The following TSHZ2 variants were observed in gnomAD, a reference collection of about 807,000 sequenced individuals.
TSHZ2 encodes the protein teashirt zinc finger homeobox 2.
A neutral mutation model predicts 74.4 loss-of-function variants in TSHZ2; 21 were observed. That is an observed-to-expected ratio of 0.28 (90% CI 0.20 to 0.41). The LOEUF is 0.41. Among genes scored for constraint, TSHZ2 ranks in the 10% least tolerant of loss-of-function variants. TSHZ2 has a pLI of 1.00. For synonymous variants in TSHZ2, 540 were observed against 515.3 expected (o/e 1.05, Z -0.65); for missense variants, 1,244 against 1,293.5 (o/e 0.96, Z 0.59).
chr20:53,222,063 A>C (rs1989575152), intron 1 of TSHZ2, among the ~76,000 whole-genome samples: 3 of 152,298 alleles, frequency 2.0e-5, no homozygotes, highest in Middle Eastern at 3.4e-3. Flanking sequence ...CTAATGGTCA[A>C]AAGCTAGCTC....
chr20:53,215,868 C>CAA (rs78963941), intron 1 of TSHZ2, among the ~76,000 whole-genome samples: 14 of 83,842 alleles, frequency 1.7e-4, no homozygotes, highest in African/African-American at 2.4e-4. Flanking sequence ...AACTCCGTCT[C>CAA]AAAAAAAAAA....
In TSHZ2 at chr20:53,217,341, C is replaced by G. The variant is rs1351385864; in HGVS notation, c.41-36158C>G. Among the ~76,000 whole-genome samples, 4 of 152,184 alleles carry G rather than the reference C, an allele frequency of 2.6e-5. No individual in the cohort carries two copies. The East Asian group carries it at 7.7e-4, about 29-fold the overall frequency. On this transcript the variant is annotated intron_variant, in intron 1 of 2. Transcript: ENST00000371497. ...GGGCCTGGCCTCACCCGACAGCCCCCTGGCTCTAGGCAAGTGAGATATTAT... is the reference window on the plus strand; with the variant it reads ...GGGCCTGGCCTCACCCGACAGCCCCGTGGCTCTAGGCAAGTGAGATATTAT...
At chr20:53,210,295 C>G (rs777252027) in intron 1 of TSHZ2, among the ~76,000 whole-genome samples, 1 of 152,216 alleles carries the variant, frequency 6.6e-6, no homozygotes, top group Admixed American at 6.5e-5. Context: ...AATGTGACAG[C>G]TTTCTGTATC....
chr20:53,467,995 C>T (rs1985612300), intron 2 of TSHZ2, among the ~76,000 whole-genome samples: 1 of 151,776 alleles, frequency 6.6e-6, no homozygotes, highest in Non-Finnish European at 1.5e-5. Flanking sequence ...TAAAAAAAAA[C>T]ATTCTTTCTG....
At chr20:53,387,318 T>A (rs1982085454) in intron 2 of TSHZ2, among the ~76,000 whole-genome samples, 1 of 152,268 alleles carries the variant, frequency 6.6e-6, no homozygotes, top group Non-Finnish European at 1.5e-5. Context: ...CTGTGGCCTC[T>A]GTTGACCATC....
At chr20:53,400,991 A>T (rs1270450785) in intron 2 of TSHZ2, 1 of 152,210 alleles carries the variant, frequency 6.6e-6, no homozygotes, top group Non-Finnish European at 1.5e-5. Context: ...TCATGCATTC[A>T]ATCATGTAGA....
intron 2 of TSHZ2, among the ~76,000 whole-genome samples, chr20:53,407,684 A>G (rs529460514): frequency 6.6e-6 from 1 of 152,354 alleles, no homozygotes; most frequent in South Asian, 2.1e-4. Context: ...GGTTTAAGGC[A>G]GGGGTTGGCA....
chr20:53,070,985 T>C (rs1304003033), intron 1 of TSHZ2, among the ~76,000 whole-genome samples: 1 of 152,218 alleles, frequency 6.6e-6, no homozygotes, highest in East Asian at 1.9e-4. Context: ...GGGTACTATT[T>C]GTTTGAGGGA....
intron 1 of TSHZ2, among the ~76,000 whole-genome samples, chr20:53,163,605 C>T (rs1987998706): frequency 6.6e-6 from 1 of 152,076 alleles, no homozygotes; most frequent in Non-Finnish European, 1.5e-5. Flanking sequence ...TCTTGAATCA[C>T]TCACGCTGGG....
At chr20:53,026,558 C>A (rs1983452871) in intron 1 of TSHZ2, among the ~76,000 whole-genome samples, 1 of 152,032 alleles carries the variant, frequency 6.6e-6, no homozygotes, top group Non-Finnish European at 1.5e-5. Context: ...CTAAGACAAG[C>A]CAACAAAACT....
At chr20:53,353,558 C>T (rs956188923) in intron 2 of TSHZ2, among the ~76,000 whole-genome samples, 25 of 152,130 alleles carry the variant, frequency 1.6e-4, no homozygotes, top group African/African-American at 4.3e-4. Context: ...AGACCAAATA[C>T]GTATTTTTTC....
intron 2 of TSHZ2, among the ~76,000 whole-genome samples, chr20:53,418,513 G>A (rs2145711364): frequency 1.3e-5 from 2 of 152,268 alleles, no homozygotes; most frequent in South Asian, 4.1e-4. Context: ...CGTCTCACAT[G>A]GCGACAGACG....
At chr20:53,271,203 A>C (rs568128294) in intron 2 of TSHZ2, among the ~76,000 whole-genome samples, 7 of 152,176 alleles carry the variant, frequency 4.6e-5, no homozygotes, top group African/African-American at 1.7e-4. Context: ...TCAGTGGGGA[A>C]AAACATGGGT....
intron 2 of TSHZ2, among the ~76,000 whole-genome samples, chr20:53,364,230 G>T (rs150114915): frequency 6.6e-6 from 1 of 152,292 alleles, no homozygotes; most frequent in African/African-American, 2.4e-5. Context: ...AACAAGGACC[G>T]CCGTGTGGGA....
chr20:53,420,511 G>T (rs1392349945), intron 2 of TSHZ2, among the ~76,000 whole-genome samples: 1 of 152,170 alleles, frequency 6.6e-6, no homozygotes, highest in Non-Finnish European at 1.5e-5. Flanking sequence ...CAGATCACGA[G>T]GCCAGGAGAT....
intron 2 of TSHZ2, among the ~76,000 whole-genome samples, chr20:53,314,298 A>AAAAG (rs913418220): frequency 1.3e-5 from 2 of 151,846 alleles, no homozygotes; most frequent in Non-Finnish European, 2.9e-5. Flanking sequence ...AAAAAAAAAA[A>AAAAG]AAAGAAAGAA....
At chr20:53,132,121 C>T (rs1987120235) in intron 1 of TSHZ2, among the ~76,000 whole-genome samples, 2 of 152,044 alleles carry the variant, frequency 1.3e-5, no homozygotes, top group Admixed American at 1.3e-4. Context: ...CAATCTGACC[C>T]AGGCAGTAAC....
chr20:53,010,357 C>T (rs1175635513), intron 1 of TSHZ2, among the ~76,000 whole-genome samples: 2 of 152,124 alleles, frequency 1.3e-5, no homozygotes, highest in Non-Finnish European at 2.9e-5. Context: ...CTGCACAATC[C>T]TCCATGTCTA....
intron 1 of TSHZ2, among the ~76,000 whole-genome samples, chr20:53,224,137 C>T (rs916108960): frequency 2.0e-5 from 3 of 152,248 alleles, no homozygotes; most frequent in South Asian, 2.1e-4. Context: ...TTGAAAAATA[C>T]ATATGAAAGG....
Sources: gnomAD v4.1 joint callset for allele counts (sites outside exome capture counted in the v4.1 genomes callset) on GRCh38, gnomAD v4.1.1 for gene constraint, MANE v1.5 for transcripts, NCBI Gene and HGNC (gene_info 2026-07-23, HGNC 2026-07-21) for gene names.